Variants in SEC31A observed in about 807,000 individuals in gnomAD.
The protein encoded by SEC31A is protein transport protein Sec31A.
A neutral mutation model predicts 151.0 loss-of-function variants in SEC31A; 70 were observed. The ratio of observed to expected loss-of-function variants is 0.46; its 90% CI spans 0.38 to 0.57. The LOEUF (loss-of-function observed/expected upper bound fraction) is 0.57. Among genes scored for constraint, SEC31A ranks in the 20% least tolerant of loss-of-function variants. The probability of loss-of-function intolerance (pLI) is 0.00; values close to 1 mark genes in which losing one functional copy is unlikely to be tolerated. For synonymous variants in SEC31A, 475 were observed against 505.9 expected (o/e 0.94, Z 0.82); for missense variants, 1,330 against 1,471.2 (o/e 0.90, Z 1.57).
chr4:82,849,253 C>T (rs1730903363), intron 19 of SEC31A, among the ~76,000 whole-genome samples: 1 of 152,138 alleles, frequency 6.6e-6, no homozygotes, highest in South Asian at 2.1e-4. Context: ...ACCAATATCA[C>T]TTATTACTAC....
chr4:82,890,715 G>T, intron 1 of SEC31A: 1 of 1,074,872 alleles, frequency 9.3e-7, no homozygotes, highest in Non-Finnish European at 1.1e-6. Flanking sequence ...GTAATCCTGA[G>T]ATTTTTTTTC....
chr4:82,834,357 G>T (rs968553753), intron 22 of SEC31A, among the ~76,000 whole-genome samples: 1 of 152,232 alleles, frequency 6.6e-6, no homozygotes. Context: ...TGCAGAAGAT[G>T]AGGACGGCTT....
At chr4:82,858,363 G>A (rs938939342) in intron 14 of SEC31A, among the ~76,000 whole-genome samples, 1 of 151,766 alleles carries the variant, frequency 6.6e-6, no homozygotes, top group Non-Finnish European at 1.5e-5. Context: ...GGCCAACATG[G>A]TGAAACCCCG....
At chr4:82,851,973 A>G (rs1731546859) in intron 18 of SEC31A, among the ~76,000 whole-genome samples, 1 of 152,310 alleles carries the variant, frequency 6.6e-6, no homozygotes, top group South Asian at 2.1e-4. Context: ...AATATCTGAT[A>G]TGGTTTGGTT....
chr4:82,855,118 A>C, intron 16 of SEC31A, 89 bp from the exon 17 acceptor site: 1 of 1,092,960 alleles, frequency 9.1e-7, no homozygotes, highest in Non-Finnish European at 1.3e-6. Context: ...CAAGTATTTC[A>C]TGCCAAATGC....
rs185625745 is a variant in SEC31A, at chr4:82,862,804, A to G, written c.1510-232T>C. Among the ~76,000 whole-genome samples the G allele has an allele frequency of 2.8e-3, 423 of 152,342 alleles. 3 individuals are homozygous for G. The highest frequency in any genetic ancestry group is 4.8e-3 in the Admixed American group (74 of 15,296). ...TCATTCTATTTCCTCATTTTTTGCC[A>G]TCAGGCATGCAAGTAAAACTTTCAT... On this transcript the variant is annotated intron_variant, in intron 12 of 26. Transcript: ENST00000395310.
At chr4:82,873,400 CA>C (rs34186652) in intron 6 of SEC31A, among the ~76,000 whole-genome samples, 68,347 of 150,754 alleles carry the variant, frequency 0.45, 18,066 homozygotes, top group Admixed American at 0.6. Context: ...ACACAAGACA[CA>C]AAAAAACCCC....
intron 21 of SEC31A, 37 bp downstream of exon 21, chr4:82,844,349 T>C (rs765619942): frequency 3.1e-6 from 5 of 1,601,562 alleles, no homozygotes; most frequent in South Asian, 2.3e-5. Context: ...AGATCATAAA[T>C]ACTGCTCTGA....
At chr4:82,857,824 C>CA (rs1250853510) in intron 14 of SEC31A, 60 bp from the exon 15 acceptor site, 24 of 1,083,082 alleles carry the variant, frequency 2.2e-5, no homozygotes, top group Middle Eastern at 2.4e-4. Context: ...GATTTACTGA[C>CA]AAAAAAAATT....
In SEC31A at chr4:82,853,698, G is replaced by C; in HGVS notation, c.2026C>G (p.Leu676Val). The C allele has an allele frequency of 6.2e-7, 1 of 1,603,300 alleles. No homozygotes were observed. Among genetic ancestry groups the C allele is most frequent in the Non-Finnish European group, 8.5e-7 (1 of 1,177,388 alleles). Residue 676 changes from leucine (L) to valine (V), a missense_variant, in exon 18 of 27, where the codon CTT becomes GTT. By Grantham distance (32) the Leu-to-Val change is conservative. Transcript: ENST00000395310. ...SALCDLLGTR[L>V]ENEGDSLLQT... is the part of the protein sequence containing the mutation. ...AGGAGGCTATCTCCTTCATTTTCAA[G>C]CCTGGTTCCCAAAAGATCTGTAAGT...
chr4:82,875,695 G>C (rs1044969754), intron 5 of SEC31A, 32 bp downstream of exon 5: 1 of 1,363,930 alleles, frequency 7.3e-7, no homozygotes. Context: ...TGGCTTTTTT[G>C]ATTACAATGA....
rs141651580 is a variant in SEC31A, at chr4:82,871,116, C to T, written c.783-692G>A. The stretch of plus-strand genomic sequence containing the variant: ...CAGGAGGATTACTTGAGCCCAGAGG[C>T]TCATGGCTGCAGTGAGCTATGGTGG... On this transcript the variant is annotated intron_variant, in intron 7 of 26. Coordinates refer to ENST00000395310, the MANE Select transcript of SEC31A (RefSeq NM_001077207.4). Among the ~76,000 whole-genome samples the T allele has an allele frequency of 2.8e-4, 42 of 152,174 alleles. No individual in the cohort carries two copies. In the East Asian group the frequency reaches 7.7e-3, roughly 28 times the overall value.
chr4:82,827,634 TG>T lies in SEC31A; in HGVS notation c.3028-3del, dbSNP rs1724897867. ...AGGAGGCATGAAGTTTTCAGGCATC[TG>T]TTAAAAGATGGAAATAAAAGACACC... is the stretch of plus-strand genomic sequence containing the variant. On this transcript the variant is annotated splice_polypyrimidine_tract_variant and splice_region_variant and intron_variant, in intron 23 of 26. Transcript: ENST00000395310. 1 of 1,611,808 alleles carries T rather than the reference TG, an allele frequency of 6.2e-7. No individual in the cohort carries two copies. Among genetic ancestry groups the T allele is most frequent in the African/African-American group, 1.3e-5 (1 of 74,972 alleles).
chr4:82,888,559 G>A (rs553752497), intron 1 of SEC31A, among the ~76,000 whole-genome samples: 1 of 151,818 alleles, frequency 6.6e-6, no homozygotes, highest in Non-Finnish European at 1.5e-5. Flanking sequence ...GCGTGATGGC[G>A]CGGCCAGTAG....
At chr4:82,847,793 G>A (rs1730566209) in intron 20 of SEC31A, among the ~76,000 whole-genome samples, 1 of 152,126 alleles carries the variant, frequency 6.6e-6, no homozygotes, top group South Asian at 2.1e-4. Flanking sequence ...CCAGAGCAAT[G>A]CCAGGCACTC....
upstream of SEC31A, chr4:82,893,895 A>C (rs1365609158): frequency 1.3e-5 from 2 of 152,218 alleles, no homozygotes. Flanking sequence ...TTTATACATT[A>C]ACTTGAGAAA....
intron 14 of SEC31A, among the ~76,000 whole-genome samples, chr4:82,859,131 GA>G (rs970656593): frequency 8.0e-5 from 12 of 149,256 alleles, no homozygotes; most frequent in Admixed American, 2.0e-4. Context: ...AAAAAAAAAT[GA>G]AAAAAAAATC....
chr4:82,883,265 A>G (rs1055349800), intron 1 of SEC31A, among the ~76,000 whole-genome samples: 2 of 152,232 alleles, frequency 1.3e-5, no homozygotes, highest in Admixed American at 6.5e-5. Context: ...TAATACCAAC[A>G]AACACCTAAG....
chr4:82,857,858 A>T, intron 14 of SEC31A, 94 bp from the exon 15 acceptor site: 12 of 723,730 alleles, frequency 1.7e-5, no homozygotes, highest in East Asian at 5.2e-5. Flanking sequence ...TCATCTACAG[A>T]GTAGATGACA....
Sources: allele counts gnomAD v4.1 joint callset (sites outside exome capture counted in the v4.1 genomes callset), GRCh38; gene constraint gnomAD v4.1.1; transcripts MANE v1.5; gene names NCBI Gene and HGNC (gene_info 2026-07-23, HGNC 2026-07-21).